The following NAV3 variants were observed in gnomAD, a reference collection of about 807,000 sequenced individuals.
The protein encoded by NAV3 is neuron navigator 3.
NAV3 carries 87 observed loss-of-function variants against 244.7 expected under a neutral mutation model. The observed-to-expected ratio is 0.36, with a 90% CI of 0.30 to 0.42. NAV3 has a LOEUF of 0.42. Ranked by LOEUF, NAV3 falls within the 20% of genes least tolerant of loss-of-function variation. The pLI, the probability that NAV3 is intolerant of heterozygous loss-of-function variation, is 1.00. For missense variants in NAV3, 2,663 were observed against 2,893.3 expected (o/e 0.92, Z 1.83); for synonymous variants, 1,126 against 1,042.2 (o/e 1.08, Z -1.55).
At chr12:78,186,741 T>C (rs1456893487) in intron 31 of NAV3, among the ~76,000 whole-genome samples, 3 of 151,886 alleles carry the variant, frequency 2.0e-5, no homozygotes, top group African/African-American at 4.8e-5. Flanking sequence ...ACTTCCATAA[T>C]AAAATAACAG....
At chr12:78,184,333 C>CAATG (rs2139785495) in intron 30 of NAV3, among the ~76,000 whole-genome samples, 1 of 151,820 alleles carries the variant, frequency 6.6e-6, no homozygotes, top group East Asian at 1.9e-4. Flanking sequence ...TGTGAATAGC[C>CAATG]AATGGTAAAC....
intron 1 of NAV3, among the ~76,000 whole-genome samples, chr12:77,925,497 A>G (rs1453578275): frequency 1.3e-5 from 2 of 150,404 alleles, no homozygotes; most frequent in East Asian, 2.0e-4. Context: ...CATTCCAGCA[A>G]TTGTGGTGCA....
intron 9 of NAV3, among the ~76,000 whole-genome samples, chr12:78,046,132 T>C (rs1308720663): frequency 1.3e-5 from 2 of 152,230 alleles, no homozygotes; most frequent in Non-Finnish European, 2.9e-5. Context: ...TTTTCTTCTT[T>C]ATTAGTCTGG....
intron 9 of NAV3, among the ~76,000 whole-genome samples, chr12:78,022,222 T>A (rs2619057): frequency 5.3e-5 from 8 of 152,242 alleles, no homozygotes; most frequent in African/African-American, 1.4e-4. Context: ...CAATTCTGTA[T>A]GATTTAAAAC....
chr12:78,039,937 T>G (rs577482339), intron 9 of NAV3, among the ~76,000 whole-genome samples: 2 of 152,236 alleles, frequency 1.3e-5, no homozygotes, highest in East Asian at 1.9e-4. Context: ...AATGGTTGAC[T>G]TTGAGATTAT....
chr12:78,035,109 A>T (rs919695047), intron 9 of NAV3, among the ~76,000 whole-genome samples: 2 of 152,198 alleles, frequency 1.3e-5, no homozygotes, highest in Non-Finnish European at 2.9e-5. Flanking sequence ...TTTACAAAGT[A>T]AGTGGTTATT....
chr12:77,628,989 T>C (rs1871766570), intron 2 of NAV3, among the ~76,000 whole-genome samples: 1 of 152,134 alleles, frequency 6.6e-6, no homozygotes, highest in African/African-American at 2.4e-5. Context: ...TCAAATCCAT[T>C]GGAGATACTA....
intron 39 of NAV3, among the ~76,000 whole-genome samples, chr12:78,208,078 G>C (rs907293940): frequency 2.0e-5 from 3 of 152,104 alleles, no homozygotes; most frequent in African/African-American, 7.2e-5. Context: ...AGATTCATTT[G>C]GCTCATCGTT....
intron 18 of NAV3, among the ~76,000 whole-genome samples, chr12:78,129,634 A>T (rs931984849): frequency 2.0e-5 from 3 of 152,124 alleles, no homozygotes; most frequent in African/African-American, 7.2e-5. Context: ...GACTTTAAAA[A>T]TATATTTATT....
chr12:78,119,373 G>A lies in NAV3; in HGVS notation c.3177G>A (p.Ser1059=), dbSNP rs761458394. The A allele has an allele frequency of 5.0e-6, 8 of 1,614,152 alleles. No homozygotes were observed. The highest frequency in any genetic ancestry group is 3.3e-5 in the South Asian group (3 of 91,076). Residue 1059 remains serine (S), a synonymous_variant, in exon 15 of 40, where the codon TCG becomes TCA. Transcript: ENST00000397909. ...AGCCCCCCTCAGGCATTGGAAGATC[G>A]ACTGCCACCAGCTCCTTTGGCTTTA... The part of the protein sequence containing the change: ...GKKPPSGIGR[S]TATSSFGFKK...
At chr12:78,091,273 A>G (rs1475936466) in intron 12 of NAV3, among the ~76,000 whole-genome samples, 2 of 152,142 alleles carry the variant, frequency 1.3e-5, no homozygotes, top group Non-Finnish European at 1.5e-5. Flanking sequence ...TTTGTCCTTA[A>G]TGTTGACTTC....
chr12:77,784,138 A>G (rs1870798405), intron 2 of NAV3, among the ~76,000 whole-genome samples: 1 of 152,150 alleles, frequency 6.6e-6, no homozygotes. Context: ...AAGGACTTAG[A>G]TTAGGACCTG....
rs1007506972 is a variant in NAV3, at chr12:78,199,433, G to T, written c.6617G>T (p.Arg2206Leu). The change falls in exon 37 of 40, where the codon CGC becomes CTC. Residue 2206 changes from arginine (R) to leucine (L), a missense_variant. Arg to Leu is a moderately radical substitution (Grantham distance 102, BLOSUM62 -2). Coordinates refer to ENST00000397909, the MANE Select transcript of NAV3 (RefSeq NM_001024383.2). ...LIEIEIERNI[R>L]NNDLVKIIDW... ...GAGATAGAAATTGAAAGGAACATTC[G>T]CAATAATGACCTAGTCAAAATTATA... 1 of 1,609,978 alleles carries T rather than the reference G, an allele frequency of 6.2e-7. No individual in the cohort carries two copies. The highest frequency in any genetic ancestry group is 8.5e-7 in the Non-Finnish European group (1 of 1,178,258).
At chr12:78,029,451 C>A (rs1462817925) in intron 9 of NAV3, among the ~76,000 whole-genome samples, 1 of 152,116 alleles carries the variant, frequency 6.6e-6, no homozygotes, top group Non-Finnish European at 1.5e-5. Flanking sequence ...CATTACAGAA[C>A]AATAAATTAT....
chr12:77,743,502 T>C (rs1459150870), intron 2 of NAV3, among the ~76,000 whole-genome samples: 2 of 151,842 alleles, frequency 1.3e-5, no homozygotes, highest in African/African-American at 4.8e-5. Context: ...TGTACTCAAA[T>C]ATTCATAGAT....
In NAV3 at chr12:78,175,565, A is replaced by G. The variant is rs994204127; in HGVS notation, c.5103+138A>G. The G allele has an allele frequency of 9.2e-6, 10 of 1,083,738 alleles. No homozygotes were observed. In the African/African-American group the frequency reaches 9.6e-5, roughly 10 times the overall value. 67.1% of individuals were successfully genotyped at this position (1,083,738 alleles called of 1,614,324 possible). ...TACTGAGACCTCAAATGCTGCACTC[A>G]TCACCAAAATTGGAGTGGCATGTAC... is the stretch of plus-strand genomic sequence containing the variant. On this transcript the variant is annotated intron_variant, in intron 25 of 39. Transcript: ENST00000397909.
At chr12:77,923,885 G>A (rs1057374004) in intron 1 of NAV3, among the ~76,000 whole-genome samples, 14 of 152,120 alleles carry the variant, frequency 9.2e-5, no homozygotes, top group Admixed American at 7.9e-4. Flanking sequence ...AAGATAACCA[G>A]AAAACTGTAG....
intron 2 of NAV3, among the ~76,000 whole-genome samples, chr12:77,764,230 T>A (rs529872767): frequency 6.6e-6 from 1 of 152,366 alleles, no homozygotes; most frequent in South Asian, 2.1e-4. Context: ...GTACATTGTA[T>A]CATCTGCATT....
chr12:78,089,197 A>G (rs1458618528), intron 12 of NAV3, among the ~76,000 whole-genome samples: 1 of 152,120 alleles, frequency 6.6e-6, no homozygotes, highest in Non-Finnish European at 1.5e-5. Context: ...CAATTTATGG[A>G]ATTCAACCAA....
Sources: allele counts gnomAD v4.1 joint callset (sites outside exome capture counted in the v4.1 genomes callset), GRCh38; gene constraint gnomAD v4.1.1; transcripts MANE v1.5; gene names NCBI Gene and HGNC (gene_info 2026-07-23, HGNC 2026-07-21).